The following MITD1 variants were observed in gnomAD, a reference collection of about 807,000 sequenced individuals.
The protein encoded by MITD1 is MIT domain-containing protein 1.
A neutral mutation model predicts 34.9 loss-of-function variants in MITD1; 24 were observed. The observed-to-expected ratio is 0.69, with a 90% confidence interval of 0.50 to 0.97. The LOEUF is 0.97. Ranked by LOEUF, MITD1 falls within the 50% of genes least tolerant of loss-of-function variation. The pLI, the probability that MITD1 is intolerant of heterozygous loss-of-function variation, is 0.00. For missense variants in MITD1, 266 were observed against 294.6 expected, an observed-to-expected ratio of 0.90 and a Z score of 0.71; for synonymous variants, 102 against 101.4, an observed-to-expected ratio of 1.01 and a Z score of -0.04.
Position 99,162,066 on chromosome 2 carries a change from A to G in MITD1, c.*156T>C, listed in dbSNP as rs151267116. ...AAAAAATGGGCTCATTTTACAGTCA[A>G]TTTCCAATGATGTCTATCAAAATCT... On this transcript the variant is annotated 3_prime_UTR_variant, in exon 8 of 8. Transcript: ENST00000422537. 1.2e-4 allele frequency: 196 copies of G among 1,614,140 alleles called. No homozygotes were observed. The African/African-American group carries it at 1.3e-3, about 10-fold the overall frequency.
At chr2:99,173,725 A>AAAAC (rs904612773) in intron 2 of MITD1, 190 bp downstream of exon 2, 4 of 614,364 alleles carry the variant, frequency 6.5e-6, no homozygotes, top group South Asian at 1.8e-5. Context: ...AACAAAAGCC[A>AAAAC]AAACAAACAA....
chr2:99,163,930 C>T (rs532386872), intron 7 of MITD1, among the ~76,000 whole-genome samples: 18 of 152,202 alleles, frequency 1.2e-4, no homozygotes, highest in African/African-American at 3.9e-4. Flanking sequence ...TCTATCCCAG[C>T]CTGAAATTTA....
At position 99,169,562 on chromosome 2, in the gene MITD1, A is replaced by C. The variant is rs774466579; in HGVS notation, c.642T>G (p.Phe214Leu). 6.2e-7 allele frequency: 1 copy of C among 1,609,742 alleles called. No individual in the cohort carries two copies. Among genetic ancestry groups the C allele is most frequent in the South Asian group, 1.1e-5 (1 of 90,996 alleles). ...MIKIGRGLDY[F>L]KKPQSRFSLG... is the part of the protein sequence containing the mutation. The stretch of plus-strand genomic sequence containing the variant: ...GATTATATCCTACCTGTGGTTTCTT[A>C]AAATAATCAAGTCCCCTTCCAATCT... The change falls in exon 6 of 7, where the codon TTT (phenylalanine) becomes TTG (leucine). Residue 214 changes from phenylalanine (F) to leucine (L), a missense_variant. By Grantham distance (22) the Phe-to-Leu change is conservative. Transcript: ENST00000289359.
chr2:99,163,296 T>A, intron 7 of MITD1: 1 of 332,950 alleles, frequency 3.0e-6, no homozygotes. Flanking sequence ...ATCCTCTTTC[T>A]TCTCTTTCTT....
chr2:99,161,878 C>T (rs1395473018), downstream of MITD1: 40 of 1,283,570 alleles, frequency 3.1e-5, 1 homozygote, highest in South Asian at 3.1e-4. Flanking sequence ...ATTAAATAAC[C>T]GATAATTGAT....
intron 2 of MITD1, chr2:99,172,443 C>G (rs913179517): frequency 6.6e-6 from 1 of 151,382 alleles, no homozygotes; most frequent in Non-Finnish European, 1.5e-5. Context: ...TTTCTTGGCA[C>G]GTGTACAGTT....
At chr2:99,169,919 G>A (rs1559176668) in intron 5 of MITD1, among the ~76,000 whole-genome samples, 1 of 152,232 alleles carries the variant, frequency 6.6e-6, no homozygotes, top group East Asian at 1.9e-4. Context: ...TGTTTCAAGA[G>A]TTCCCCTACC....
chr2:99,168,479 G>C (rs1316425511), downstream of MITD1, among the ~76,000 whole-genome samples: 1 of 152,106 alleles, frequency 6.6e-6, no homozygotes, highest in African/African-American at 2.4e-5. Flanking sequence ...ACTACCTCTA[G>C]CATACAACCC....
At chr2:99,170,246 T>C (rs1292051272) in intron 5 of MITD1, among the ~76,000 whole-genome samples, 1 of 152,158 alleles carries the variant, frequency 6.6e-6, no homozygotes, top group Non-Finnish European at 1.5e-5. Context: ...ACACTATATA[T>C]ACAGTTGAGT....
chr2:99,176,286 G>GC (rs1273543013), intron 1 of MITD1, among the ~76,000 whole-genome samples: 1 of 150,582 alleles, frequency 6.6e-6, no homozygotes, highest in Non-Finnish European at 1.5e-5. Context: ...TCCAACTCTT[G>GC]CATGTGGCCC....
downstream of MITD1, among the ~76,000 whole-genome samples, chr2:99,166,767 A>T (rs1272415388): frequency 1.3e-5 from 2 of 149,214 alleles, no homozygotes; most frequent in Non-Finnish European, 3.0e-5. Flanking sequence ...GTTTCCTTTT[A>T]CTCAAGTTTT....
intron 2 of MITD1, chr2:99,172,709 C>T (rs1015662280): frequency 3.3e-5 from 5 of 151,984 alleles, no homozygotes; most frequent in African/African-American, 1.2e-4. Context: ...ATGGCAAAAC[C>T]TCAACTCTAC....
chr2:99,170,437 TA>T (rs2093849614), intron 5 of MITD1, 99 bp downstream of exon 5: 2 of 289,436 alleles, frequency 6.9e-6, no homozygotes, highest in East Asian at 1.2e-4. Context: ...TTTAAATATT[TA>T]TAAATTATTA....
downstream of MITD1, among the ~76,000 whole-genome samples, chr2:99,166,851 G>A (rs2093829213): frequency 9.1e-6 from 1 of 109,976 alleles, no homozygotes; most frequent in East Asian, 2.2e-4. Flanking sequence ...CATTAAGTGG[G>A]GTTTTAAATA....
At position 99,162,932 on chromosome 2, in the gene MITD1, C is replaced by A. The variant is rs367616971; in HGVS notation, c.*4-714G>T. ...ATTGGTTGCCATTGGAAATACGTGA[C>A]AAATTAAATTCAAGTCTTATTGGCA... On this transcript the variant is annotated intron_variant, in intron 7 of 7. Transcript: ENST00000422537. 1.9e-6 allele frequency: 3 copies of A among 1,613,602 alleles called. No homozygotes were observed. The highest frequency in any genetic ancestry group is 2.7e-5 in the African/African-American group (2 of 74,974).
chr2:99,178,315 T>G lies in MITD1; in HGVS notation c.151+2516A>C, dbSNP rs546857585. ...CTCTTATTTTGATTCCAGCAGGAGC[T>G]CCTTAATTGGTCTGCTTAACTTCAG... On this transcript the variant is annotated intron_variant, in intron 1 of 6. Transcript: ENST00000289359. The G allele has an allele frequency of 2.0e-5, 3 of 152,342 alleles. No individual in the cohort carries two copies. The South Asian group carries it at 6.2e-4, about 32-fold the overall frequency. 9.4% of individuals were successfully genotyped at this position (152,342 alleles called of 1,614,324 possible).
At chr2:99,164,044 T>C (rs1474336036) in intron 7 of MITD1, among the ~76,000 whole-genome samples, 2 of 152,202 alleles carry the variant, frequency 1.3e-5, no homozygotes, top group African/African-American at 4.8e-5. Flanking sequence ...TTTTCTACTC[T>C]TTTTGGCAGG....
Position 99,169,630 on chromosome 2 carries a change from G to C in MITD1, c.594-20C>G. The C allele has an allele frequency of 6.4e-7, 1 of 1,557,090 alleles. No individual in the cohort carries two copies. The highest frequency in any genetic ancestry group is 1.1e-5 in the South Asian group (1 of 89,684). ...TTGAACCTGTTGAAATTAGTATATA[G>C]TATTATATTCAAGACATTTAAGTCA... is the stretch of plus-strand genomic sequence containing the variant. On this transcript the variant is annotated intron_variant, in intron 5 of 6. Transcript: ENST00000289359.
chr2:99,170,799 A>C, intron 4 of MITD1, 147 bp from the exon 5 acceptor site: 2 of 447,278 alleles, frequency 4.5e-6, no homozygotes. Context: ...AAAACAACCA[A>C]TGTGAGGTAG....
Sources: allele counts gnomAD v4.1 joint callset (sites outside exome capture counted in the v4.1 genomes callset), GRCh38; gene constraint gnomAD v4.1.1; transcripts MANE v1.5; gene names NCBI Gene and HGNC (gene_info 2026-07-23, HGNC 2026-07-21).